CSMD2: variants seen among roughly 807,000 people sequenced by gnomAD.
CSMD2 encodes the protein CUB and sushi domain-containing protein 2.
Under a neutral mutation model 398.5 loss-of-function variants are expected in CSMD2, and 130 were observed. The observed-to-expected ratio is 0.33, with a 90% confidence interval of 0.28 to 0.38. The LOEUF (loss-of-function observed/expected upper bound fraction) is 0.38, where lower values mean the gene tolerates loss of function less well. Among genes scored for constraint, CSMD2 ranks in the 10% least tolerant of loss-of-function variants. The probability of loss-of-function intolerance (pLI) is 1.00; values close to 1 mark genes in which losing one functional copy is unlikely to be tolerated. For synonymous variants in CSMD2, 1,828 were observed against 1,908.5 expected (o/e 0.96, Z 1.10); for missense variants, 3,829 against 4,764.9 (o/e 0.80, Z 5.78).
chr1:34,143,905 C>T (rs561814120), intron 1 of CSMD2, among the ~76,000 whole-genome samples: 10 of 152,324 alleles, frequency 6.6e-5, no homozygotes, highest in Admixed American at 5.2e-4. Context: ...TCAGGTCTGA[C>T]TCCAGAGCTG....
At chr1:33,910,000 A>T (rs1348809139) in intron 5 of CSMD2, among the ~76,000 whole-genome samples, 1 of 152,150 alleles carries the variant, frequency 6.6e-6, no homozygotes, top group East Asian at 1.9e-4. Flanking sequence ...CACCATAGTC[A>T]TTCAGCCAGA....
intron 54 of CSMD2, 59 bp from the exon 55 acceptor site, chr1:33,557,981 G>T: frequency 7.0e-7 from 1 of 1,435,228 alleles, no homozygotes; most frequent in Non-Finnish European, 9.4e-7. Flanking sequence ...AATCTTCCGA[G>T]CAAAACTAGG....
chr1:33,978,344 C>A (rs914646285), intron 3 of CSMD2, among the ~76,000 whole-genome samples: 2 of 152,096 alleles, frequency 1.3e-5, no homozygotes, highest in African/African-American at 2.4e-5. Flanking sequence ...CATTCATTCC[C>A]AACTTATTAT....
At chr1:34,072,146 G>A (rs2148300263) in intron 2 of CSMD2, among the ~76,000 whole-genome samples, 1 of 152,328 alleles carries the variant, frequency 6.6e-6, no homozygotes, top group South Asian at 2.1e-4. Context: ...CTGTTTATGG[G>A]TAGTTGTGGC....
In CSMD2 at chr1:34,089,048, A is replaced by T. The variant is rs753186109; in HGVS notation, c.333T>A (p.Phe111Leu). The T allele has an allele frequency of 6.2e-7, 1 of 1,614,192 alleles. No homozygotes were observed. Among genetic ancestry groups the T allele is most frequent in the Admixed American group, 1.7e-5 (1 of 60,026 alleles). The change falls in exon 2 of 71, where the codon TTT (phenylalanine) becomes TTA (leucine). Residue 111 changes from phenylalanine (F) to leucine (L), a missense_variant. Transcript: ENST00000373381. ...GGACATCAAAGTCCTCTTCCAGGGC[A>T]AAGGACTGGAACACAAGCTGGATTC... ...QHRIQLVFQS[F>L]ALEEDFDVLS... is the part of the protein sequence containing the mutation.
chr1:33,793,332 G>A (rs1017278482), intron 10 of CSMD2, among the ~76,000 whole-genome samples: 3 of 152,162 alleles, frequency 2.0e-5, no homozygotes, highest in Admixed American at 1.3e-4. Context: ...TGGAGAGGGA[G>A]GGAGGGGGAT....
chr1:33,881,506 G>A (rs752234199), intron 5 of CSMD2, among the ~76,000 whole-genome samples: 2 of 152,050 alleles, frequency 1.3e-5, no homozygotes, highest in African/African-American at 4.8e-5. Flanking sequence ...CATAGTTATG[G>A]TGTGTTTACA....
At chr1:34,075,243 C>T (rs1656195630) in intron 2 of CSMD2, among the ~76,000 whole-genome samples, 1 of 152,232 alleles carries the variant, frequency 6.6e-6, no homozygotes, top group African/African-American at 2.4e-5. Flanking sequence ...ACTTTTCCCT[C>T]ATCCCCATGG....
intron 12 of CSMD2, among the ~76,000 whole-genome samples, chr1:33,774,463 C>T (rs999737135): frequency 6.6e-6 from 1 of 152,126 alleles, no homozygotes; most frequent in African/African-American, 2.4e-5. Context: ...GATAAGTCAA[C>T]GTGGAGAAGC....
intron 15 of CSMD2, among the ~76,000 whole-genome samples, chr1:33,728,580 C>G (rs1001483954): frequency 6.6e-6 from 1 of 152,108 alleles, no homozygotes; most frequent in Non-Finnish European, 1.5e-5. Context: ...GGTTAAGAGA[C>G]TAGATCAAGG....
intron 5 of CSMD2, among the ~76,000 whole-genome samples, chr1:33,849,030 G>A (rs765588295): frequency 3.4e-4 from 51 of 152,198 alleles, no homozygotes; most frequent in African/African-American, 1.0e-3. Flanking sequence ...AGACTTCCCC[G>A]GCCTGTGAGA....
Position 33,550,173 on chromosome 1 carries a change from A to G in CSMD2, c.8917+4T>C, listed in dbSNP as rs771123705. 2.5e-6 allele frequency: 4 copies of G among 1,613,128 alleles called. No homozygotes were observed. The highest frequency in any genetic ancestry group is 3.4e-6 in the Non-Finnish European group (4 of 1,179,642). On this transcript the variant is annotated splice_donor_region_variant and intron_variant, in intron 56 of 70. Coordinates refer to ENST00000373381, the MANE Select transcript of CSMD2 (RefSeq NM_001281956.2). ...AGCTCTTTCCTCAATGCCATGCACC[A>G]TACCTGAGCAGTGAGGGAGGGAGCC...
At chr1:34,032,853 G>A in intron 2 of CSMD2, 147 bp from the exon 3 acceptor site, 1 of 600,526 alleles carries the variant, frequency 1.7e-6, no homozygotes, top group Non-Finnish European at 2.9e-6. Flanking sequence ...CAGCAGAGGT[G>A]ATGAAAACCA....
intron 3 of CSMD2, among the ~76,000 whole-genome samples, chr1:33,951,726 T>C (rs1645014304): frequency 6.6e-6 from 1 of 152,208 alleles, no homozygotes; most frequent in Admixed American, 6.5e-5. Context: ...TGTCTACTTC[T>C]TAGCAAGACA....
chr1:33,975,882 C>T (rs1645944960), intron 3 of CSMD2, among the ~76,000 whole-genome samples: 1 of 152,224 alleles, frequency 6.6e-6, no homozygotes, highest in Admixed American at 6.5e-5. Flanking sequence ...ATTCCTCGCT[C>T]CCTCCACCAT....
At chr1:34,092,192 C>A (rs567587128) in intron 1 of CSMD2, among the ~76,000 whole-genome samples, 2 of 152,208 alleles carry the variant, frequency 1.3e-5, no homozygotes, top group African/African-American at 4.8e-5. Flanking sequence ...ATGACTTTTA[C>A]AGAGGGATAA....
intron 29 of CSMD2, among the ~76,000 whole-genome samples, chr1:33,642,417 T>G: frequency 7.0e-6 from 1 of 142,522 alleles, no homozygotes; most frequent in Non-Finnish European, 1.5e-5. Flanking sequence ...AAGTCAGGAG[T>G]GAGACAGCCA....
intron 1 of CSMD2, among the ~76,000 whole-genome samples, chr1:34,128,536 C>T (rs1346580709): frequency 6.6e-6 from 1 of 152,166 alleles, no homozygotes; most frequent in Non-Finnish European, 1.5e-5. Flanking sequence ...TTCAAAGAAG[C>T]CTGAAGTTCA....
chr1:33,940,223 G>C (rs1228051358), intron 3 of CSMD2, among the ~76,000 whole-genome samples: 1 of 152,052 alleles, frequency 6.6e-6, no homozygotes, highest in Non-Finnish European at 1.5e-5. Flanking sequence ...TTCTGTGTCT[G>C]AATGTCCCTT....
Sources: gnomAD v4.1 joint callset for allele counts (sites outside exome capture counted in the v4.1 genomes callset) on GRCh38, gnomAD v4.1.1 for gene constraint, MANE v1.5 for transcripts, NCBI Gene and HGNC (gene_info 2026-07-23, HGNC 2026-07-21) for gene names.